Variants in TUSC3 observed in about 807,000 individuals in gnomAD.
The protein encoded by TUSC3 is tumor suppressor candidate 3, also known as dolichyl-diphosphooligosaccharide--protein glycosyltransferase subunit TUSC3.
A neutral mutation model predicts 44.8 loss-of-function variants in TUSC3; 45 were observed. The observed-to-expected ratio is 1.00, with a 90% CI of 0.79 to 1.29. The LOEUF (loss-of-function observed/expected upper bound fraction) is 1.29, where lower values mean the gene tolerates loss of function less well. Ranked by LOEUF, TUSC3 falls within the 50% of genes most tolerant of loss-of-function variation. The pLI is 0.00. For synonymous variants in TUSC3, 212 were observed against 152.9 expected (o/e 1.39, Z -2.85); for missense variants, 519 against 437.9 (o/e 1.19, Z -1.65).
intron 9 of TUSC3, among the ~76,000 whole-genome samples, chr8:15,755,416 A>G (rs184968204): frequency 6.6e-5 from 10 of 152,144 alleles, no homozygotes; most frequent in Admixed American, 6.6e-4. Flanking sequence ...TCTTCTGCTA[A>G]AAAGTTTTTC....
At chr8:15,597,411 A>G (rs565771204) in intron 1 of TUSC3, among the ~76,000 whole-genome samples, 1 of 152,238 alleles carries the variant, frequency 6.6e-6, no homozygotes, top group East Asian at 1.9e-4. Flanking sequence ...AGTTGCTAGT[A>G]TATGTATGTC....
Position 15,728,453 on chromosome 8 carries a change from AGAGG to A in TUSC3, c.799-2192_799-2189del, listed in dbSNP as rs137911279. ...ATTTTCTGAATGATTGGATGTGTGG[AGAGG>A]GAGGGAGGGAGGGAGGGAGGAGAGA... On this transcript the variant is annotated intron_variant, in intron 6 of 10. Coordinates refer to ENST00000503731, the MANE Select transcript of TUSC3 (RefSeq NM_006765.4). Among the ~76,000 whole-genome samples the A allele has an allele frequency of 7.8e-3, 979 of 125,862 alleles. 16 individuals carry two copies. The highest frequency in any genetic ancestry group is 0.024 in the African/African-American group (821 of 34,150). 82.6% of individuals were successfully genotyped at this position (125,862 alleles called of 152,430 possible).
chr8:15,839,043 G>A, the TUSC3 span, among the ~76,000 whole-genome samples: 2 of 152,078 alleles, frequency 1.3e-5, no homozygotes, highest in African/African-American at 4.8e-5. Context: ...CTGAGCAGTG[G>A]TTTGTAGTTC....
At chr8:15,431,739 T>G (rs560691968) in intron 1 of TUSC3, among the ~76,000 whole-genome samples, 2 of 151,698 alleles carry the variant, frequency 1.3e-5, no homozygotes, top group Non-Finnish European at 2.9e-5. Context: ...TTTGTCTTCC[T>G]CCTAATATTA....
chr8:15,671,006 A>G (rs1443399390), intron 5 of TUSC3, among the ~76,000 whole-genome samples: 1 of 152,004 alleles, frequency 6.6e-6, no homozygotes, highest in African/African-American at 2.4e-5. Flanking sequence ...AAGATCCAGA[A>G]TGAACACACA....
the TUSC3 span, among the ~76,000 whole-genome samples, chr8:15,820,546 TTGA>T: frequency 6.6e-6 from 1 of 152,024 alleles, no homozygotes; most frequent in Middle Eastern, 3.2e-3. Context: ...TCTCGATCTC[TTGA>T]CCTCATGATC....
At chr8:15,582,005 C>G (rs965640301) in intron 1 of TUSC3, among the ~76,000 whole-genome samples, 4 of 151,864 alleles carry the variant, frequency 2.6e-5, no homozygotes, top group Non-Finnish European at 5.9e-5. Context: ...GGGATATAAT[C>G]TTGTGGTGCG....
At chr8:15,588,037 T>A (rs1803670645) in intron 1 of TUSC3, among the ~76,000 whole-genome samples, 2 of 152,142 alleles carry the variant, frequency 1.3e-5, no homozygotes, top group Non-Finnish European at 2.9e-5. Flanking sequence ...GCAGGTATCT[T>A]TTTAATATAC....
chr8:15,555,838 C>G (rs1328902793), intron 1 of TUSC3, among the ~76,000 whole-genome samples: 1 of 151,320 alleles, frequency 6.6e-6, no homozygotes, highest in Non-Finnish European at 1.5e-5. Flanking sequence ...TTCTTACGGA[C>G]TCTTTCAGCT....
At chr8:15,732,573 A>T (rs2129208943) in intron 7 of TUSC3, among the ~76,000 whole-genome samples, 1 of 152,054 alleles carries the variant, frequency 6.6e-6, no homozygotes, top group Middle Eastern at 3.4e-3. Context: ...AGGAAAAAAA[A>T]AATCATCTTC....
At chr8:15,485,923 T>C (rs1228077650) in intron 2 of TUSC3, among the ~76,000 whole-genome samples, 1 of 152,116 alleles carries the variant, frequency 6.6e-6, no homozygotes, top group African/African-American at 2.4e-5. Flanking sequence ...CCTGAGCAGC[T>C]GGGATTACAG....
intron 6 of TUSC3, chr8:15,689,210 T>C (rs954194100): frequency 2.2e-5 from 8 of 359,576 alleles, no homozygotes; most frequent in South Asian, 7.3e-5. Context: ...AGCATTCCAT[T>C]TTCTCTTCTT....
intron 7 of TUSC3, among the ~76,000 whole-genome samples, chr8:15,738,064 C>T (rs902606068): frequency 6.6e-6 from 1 of 152,088 alleles, no homozygotes; most frequent in African/African-American, 2.4e-5. Flanking sequence ...TAGTATAATT[C>T]ATATGTCTTA....
the TUSC3 span, among the ~76,000 whole-genome samples, chr8:15,785,298 T>C: frequency 6.6e-6 from 1 of 152,148 alleles, no homozygotes; most frequent in Admixed American, 6.5e-5. Flanking sequence ...TCTTCACTTT[T>C]GTAACTCACC....
At position 15,704,571 on chromosome 8, in the gene TUSC3, C is replaced by T. The variant is rs147939910; in HGVS notation, c.799-26095C>T. On this transcript the variant is annotated intron_variant, in intron 6 of 10. Transcript: ENST00000503731. ...TTCTTTGTTCTCGTTCGGTTTATGA[C>T]AACTACTAAACTAGACTGTAACGCT... Among the ~76,000 whole-genome samples, 479 of 152,202 alleles carry T rather than the reference C, an allele frequency of 3.1e-3. 1 individual carries two copies. The highest frequency in any genetic ancestry group is 5.7e-3 in the Non-Finnish European group (386 of 67,982).
upstream of TUSC3, among the ~76,000 whole-genome samples, chr8:15,537,285 A>C (rs1801537633): frequency 6.6e-6 from 1 of 152,136 alleles, no homozygotes; most frequent in African/African-American, 2.4e-5. Flanking sequence ...AAAATGTTTA[A>C]TTTTATCCAT....
At chr8:15,574,167 T>C (rs772569004) in intron 1 of TUSC3, among the ~76,000 whole-genome samples, 34 of 152,292 alleles carry the variant, frequency 2.2e-4, no homozygotes, top group Non-Finnish European at 4.1e-4. Flanking sequence ...TGTTAGTGTT[T>C]TGTGCACAGT....
At chr8:15,570,029 A>T (rs1332460725) in intron 1 of TUSC3, among the ~76,000 whole-genome samples, 1 of 152,090 alleles carries the variant, frequency 6.6e-6, no homozygotes, top group Non-Finnish European at 1.5e-5. Context: ...TTTGGATCCT[A>T]TATATATTGA....
At chr8:15,759,567 T>G (rs2129223862) in intron 10 of TUSC3, among the ~76,000 whole-genome samples, 1 of 152,216 alleles carries the variant, frequency 6.6e-6, no homozygotes, top group South Asian at 2.1e-4. Flanking sequence ...ACAAACAAGC[T>G]TTTGATATAC....
Sources: gnomAD v4.1 joint callset for allele counts (sites outside exome capture counted in the v4.1 genomes callset) on GRCh38, gnomAD v4.1.1 for gene constraint, MANE v1.5 for transcripts, NCBI Gene and HGNC (gene_info 2026-07-23, HGNC 2026-07-21) for gene names.